TTLL8: variants seen among roughly 807,000 people sequenced by gnomAD.
The protein encoded by TTLL8 is tubulin tyrosine ligase like 8.
A neutral mutation model predicts 77.8 loss-of-function variants in TTLL8; 65 were observed. The ratio of observed to expected loss-of-function variants is 0.84; its 90% CI spans 0.68 to 1.03. TTLL8 has a LOEUF of 1.03. Among genes scored for constraint, TTLL8 ranks in the 50% least tolerant of loss-of-function variants. TTLL8 has a pLI of 0.00. For synonymous variants in TTLL8, 402 were observed against 422.8 expected, an observed-to-expected ratio of 0.95 and a Z score of 0.60; for missense variants, 910 against 1,004.5, an observed-to-expected ratio of 0.91 and a Z score of 1.27.
At chr22:50,046,060 C>G in intron 4 of TTLL8, 90 bp from the exon 7 acceptor site, 1 of 1,201,400 alleles carries the variant, frequency 8.3e-7, no homozygotes, top group Non-Finnish European at 1.1e-6. Context: ...CCACCTCAGA[C>G]TTGCCTGGCT....
intron 12 of TTLL8, among the ~76,000 whole-genome samples, chr22:50,019,097 G>A (rs1430387561): frequency 6.6e-6 from 1 of 152,340 alleles, no homozygotes; most frequent in Middle Eastern, 3.4e-3. Context: ...CTTCAAAGTC[G>A]ATATATTGCC....
intron 12 of TTLL8, among the ~76,000 whole-genome samples, chr22:50,020,667 T>C (rs2061190368): frequency 6.7e-6 from 1 of 150,374 alleles, no homozygotes; most frequent in South Asian, 2.1e-4. Flanking sequence ...CAACATGCAC[T>C]CCTCCATCTG....
At chr22:50,030,701 C>G (rs1207836746) in exon 12 of TTLL8, 1 of 1,292,620 alleles carries the variant, frequency 7.7e-7, no homozygotes, top group Non-Finnish European at 1.0e-6. Context: ...GGGGGAGCCC[C>G]TTCTCTTCCT....
intron 1 of TTLL8, among the ~76,000 whole-genome samples, chr22:50,053,079 G>C (rs758492418): frequency 2.6e-5 from 4 of 151,988 alleles, no homozygotes; most frequent in Admixed American, 1.3e-4. Context: ...AAAATTAGCC[G>C]AGCATGGTGG....
chr22:50,027,528 C>T lies in TTLL8; in HGVS notation c.2203+2902G>A, dbSNP rs1437063605. On this transcript the variant is annotated intron_variant, in intron 12 of 13. Transcript: ENST00000266182. Reference sequence around the variant, plus strand: ...CAGCCTGGGCAACAGAATGAGACTCCGTCTCAAAAAAAAAAAAAAAAAAGG... The same window carrying T: ...CAGCCTGGGCAACAGAATGAGACTCTGTCTCAAAAAAAAAAAAAAAAAAGG... 9.1e-5 allele frequency: 61 copies of T among 668,566 alleles called. 2 individuals carry two copies. Among genetic ancestry groups the T allele is most frequent in the South Asian group, 3.7e-4 (5 of 13,378 alleles). 41.4% of individuals were successfully genotyped at this position (668,566 alleles called of 1,614,324 possible). A position where few individuals can be genotyped will look rare whatever the true frequency, so the allele number is the denominator to read the frequency against.
At chr22:50,032,153 A>G in intron 10 of TTLL8, 44 bp from the exon 12 acceptor site, 1 of 1,314,618 alleles carries the variant, frequency 7.6e-7, no homozygotes, top group African/African-American at 1.5e-5. Flanking sequence ...CCCTTGGCCC[A>G]GGAGGGCACC....
chr22:50,053,870 G>A (rs992435111), intron 1 of TTLL8, among the ~76,000 whole-genome samples: 3 of 152,112 alleles, frequency 2.0e-5, no homozygotes, highest in African/African-American at 7.2e-5. Flanking sequence ...ATTTGTACAC[G>A]TTCTGCTCTC....
At chr22:50,057,071 G>C (rs926403191), upstream of TTLL8, 8 of 855,088 alleles carry the variant, frequency 9.4e-6, no homozygotes, top group East Asian at 3.8e-4. Flanking sequence ...GTCAGGTCTG[G>C]GGTTGGGGAT....
At chr22:50,055,718 G>A (rs954037640), upstream of TTLL8, among the ~76,000 whole-genome samples, 5 of 152,042 alleles carry the variant, frequency 3.3e-5, no homozygotes, top group Non-Finnish European at 4.4e-5. Flanking sequence ...TATTCTGAGG[G>A]GTGCTATCCA....
chr22:50,052,773 A>T (rs1485992903), intron 1 of TTLL8, among the ~76,000 whole-genome samples: 1 of 152,256 alleles, frequency 6.6e-6, no homozygotes. Flanking sequence ...ATAAAAAACA[A>T]AACTAGAACT....
chr22:50,018,655 G>A (rs1416231817), intron 12 of TTLL8, among the ~76,000 whole-genome samples: 2 of 152,214 alleles, frequency 1.3e-5, no homozygotes, highest in Non-Finnish European at 2.9e-5. Flanking sequence ...AGCTCCCCTT[G>A]GAGAGTGATG....
At chr22:50,056,805 A>G, upstream of TTLL8, 1 of 1,289,520 alleles carries the variant, frequency 7.8e-7, no homozygotes, top group South Asian at 1.2e-5. The surrounding 1 kb of genome is among the most constrained non-coding windows in gnomAD (Gnocchi z 4.1). Flanking sequence ...TGCAGCCAGC[A>G]CTGCCTCTGA....
intron 8 of TTLL8, among the ~76,000 whole-genome samples, chr22:50,037,841 T>C (rs2061346863): frequency 6.6e-6 from 1 of 152,252 alleles, no homozygotes; most frequent in Admixed American, 6.5e-5. Flanking sequence ...GTTTTGGCTC[T>C]TCTTAAATCA....
chr22:50,045,663 C>G, intron 5 of TTLL8, 193 bp downstream of exon 7: 1 of 733,838 alleles, frequency 1.4e-6, no homozygotes, highest in Non-Finnish European at 1.7e-6. Flanking sequence ...CACAGAACCA[C>G]ACACTCCTTG....
At chr22:50,031,064 C>T (rs2061287708) in intron 11 of TTLL8, 139 bp from the exon 13 acceptor site, 19 of 724,112 alleles carry the variant, frequency 2.6e-5, no homozygotes, top group Non-Finnish European at 3.6e-5. Flanking sequence ...CACCTGGGGT[C>T]CCACGCAGAC....
chr22:50,043,334 G>C (rs980428184), intron 6 of TTLL8, among the ~76,000 whole-genome samples: 1 of 144,686 alleles, frequency 6.9e-6, no homozygotes, highest in Non-Finnish European at 1.5e-5. Flanking sequence ...TGGATGGATA[G>C]ATAAACAGTG....
intron 12 of TTLL8, chr22:50,027,755 GAACA>G: frequency 1.0e-6 from 1 of 985,456 alleles, no homozygotes; most frequent in Non-Finnish European, 1.2e-6. Context: ...GACTGTCACG[GAACA>G]AACACACACC....
At chr22:50,021,019 G>A (rs981190447) in intron 12 of TTLL8, among the ~76,000 whole-genome samples, 2 of 144,244 alleles carry the variant, frequency 1.4e-5, no homozygotes, top group South Asian at 2.3e-4. Context: ...TCCTCCATCT[G>A]ACAACGTGCA....
At chr22:50,033,472 C>T (rs755916708) in intron 9 of TTLL8, 27 bp from the exon 11 acceptor site, 1 of 1,347,760 alleles carries the variant, frequency 7.4e-7, no homozygotes, top group Non-Finnish European at 9.9e-7. Flanking sequence ...CTCAACCCAG[C>T]ATGCACAGCC....
Sources: allele counts gnomAD v4.1 joint callset (sites outside exome capture counted in the v4.1 genomes callset), GRCh38; gene constraint gnomAD v4.1.1; non-coding constraint Gnocchi (gnomAD v3.1); transcripts MANE v1.5; gene names NCBI Gene and HGNC (gene_info 2026-07-23, HGNC 2026-07-21).